ASTN2: variants seen among roughly 807,000 people sequenced by gnomAD.
ASTN2 encodes the protein astrotactin-2.
A neutral mutation model predicts 139.8 loss-of-function variants in ASTN2; 54 were observed. The observed-to-expected ratio is 0.39, with a 90% CI of 0.31 to 0.48. The LOEUF is 0.48. Among genes scored for constraint, ASTN2 ranks in the 20% least tolerant of loss-of-function variants. The pLI is 0.95. For synonymous variants in ASTN2, 756 were observed against 719.5 expected (o/e 1.05, Z -0.81); for missense variants, 1,565 against 1,725.1 (o/e 0.91, Z 1.64).
intron 1 of ASTN2, among the ~76,000 whole-genome samples, chr9:117,335,007 A>G (rs1195955304): frequency 6.6e-6 from 1 of 152,190 alleles, no homozygotes. Context: ...GTGAGCATAG[A>G]TCATGCTACT....
chr9:117,214,725 C>G lies in ASTN2; in HGVS notation c.648G>C (p.Leu216=). 6.6e-7 allele frequency: 1 copy of G among 1,506,390 alleles called. No homozygotes were observed. Among genetic ancestry groups the G allele is most frequent in the Non-Finnish European group, 8.9e-7 (1 of 1,125,900 alleles). The allele number at this position is 1,506,390 out of a possible 1,614,324, so 93.3% of individuals were successfully genotyped here. Residue 216 remains leucine (L), a synonymous_variant, in exon 3 of 23, where the codon CTG becomes CTC. Transcript: ENST00000313400. ...CGGTGAACACCAGCAGCAGCAGCAG[C>G]AGCGCGATGAGGCCACCCTGGAGCA... ...HISVMGGLIA[L]LLLLLVFTVA...
chr9:116,485,800 A>AG (rs902747409), intron 20 of ASTN2, among the ~76,000 whole-genome samples: 10 of 152,354 alleles, frequency 6.6e-5, no homozygotes, highest in African/African-American at 2.4e-4. Context: ...TTGCAGAGCC[A>AG]GGGGCAGAAG....
intron 2 of ASTN2, among the ~76,000 whole-genome samples, chr9:117,285,551 C>A (rs1365285940): frequency 6.6e-6 from 1 of 152,170 alleles, no homozygotes; most frequent in Non-Finnish European, 1.5e-5. Flanking sequence ...ATTTGTGTGA[C>A]ATTTTATATT....
At chr9:116,517,610 T>A (rs1437750829) in intron 19 of ASTN2, among the ~76,000 whole-genome samples, 2 of 152,116 alleles carry the variant, frequency 1.3e-5, no homozygotes, top group East Asian at 3.9e-4. Context: ...TTAACACCCA[T>A]AAAAGATGAT....
intron 3 of ASTN2, among the ~76,000 whole-genome samples, chr9:117,165,048 A>G (rs1003622725): frequency 1.3e-5 from 2 of 152,038 alleles, no homozygotes; most frequent in African/African-American, 2.4e-5. Flanking sequence ...TTGAACATAC[A>G]GTCTGACTTC....
At chr9:116,778,652 C>T (rs1588285779) in intron 13 of ASTN2, among the ~76,000 whole-genome samples, 1 of 152,174 alleles carries the variant, frequency 6.6e-6, no homozygotes, top group South Asian at 2.1e-4. Context: ...TCCACTTGCA[C>T]AAGGAACCCA....
intron 16 of ASTN2, among the ~76,000 whole-genome samples, chr9:116,709,514 C>T (rs1828084745): frequency 6.6e-6 from 1 of 152,204 alleles, no homozygotes. Context: ...ACTGAATACC[C>T]TGACCAACAT....
intron 10 of ASTN2, among the ~76,000 whole-genome samples, chr9:116,896,272 A>G (rs1471737014): frequency 6.6e-6 from 1 of 152,206 alleles, no homozygotes; most frequent in Non-Finnish European, 1.5e-5. Context: ...GGGTGTATGT[A>G]TTAGTTCATT....
intron 19 of ASTN2, among the ~76,000 whole-genome samples, chr9:116,536,642 G>A: frequency 6.6e-6 from 1 of 152,270 alleles, no homozygotes. Flanking sequence ...GTTTGCCTGG[G>A]TATCAGCAGC....
At chr9:116,747,582 A>G (rs1273480451) in intron 13 of ASTN2, among the ~76,000 whole-genome samples, 1 of 152,012 alleles carries the variant, frequency 6.6e-6, no homozygotes, top group Non-Finnish European at 1.5e-5. Flanking sequence ...GTCATGTACA[A>G]TTGAATCAGG....
chr9:117,004,225 C>T (rs1319728662), intron 7 of ASTN2, among the ~76,000 whole-genome samples: 1 of 151,976 alleles, frequency 6.6e-6, no homozygotes, highest in African/African-American at 2.4e-5. Flanking sequence ...ACTCAAGCAA[C>T]CCTCCCACCT....
chr9:116,998,041 G>T (rs1837074315), intron 7 of ASTN2, among the ~76,000 whole-genome samples: 1 of 152,078 alleles, frequency 6.6e-6, no homozygotes, highest in African/African-American at 2.4e-5. Context: ...AGAAAACTTT[G>T]GTTTCTTGTC....
At chr9:117,047,627 C>T (rs910531957) in intron 5 of ASTN2, among the ~76,000 whole-genome samples, 13 of 152,160 alleles carry the variant, frequency 8.5e-5, no homozygotes. Context: ...TGAACTTCTG[C>T]TGTCCAAATT....
At chr9:116,690,860 C>T (rs803940) in intron 16 of ASTN2, among the ~76,000 whole-genome samples, 19,120 of 152,108 alleles carry the variant, frequency 0.13, 1,247 homozygotes, top group East Asian at 0.15. Flanking sequence ...ATAGTAGTTG[C>T]TTTAAGAGTG....
intron 19 of ASTN2, among the ~76,000 whole-genome samples, chr9:116,617,292 G>A (rs2131819445): frequency 6.6e-6 from 1 of 152,222 alleles, no homozygotes; most frequent in Non-Finnish European, 1.5e-5. Context: ...TAGAAGACAG[G>A]AAGACAGAAA....
intron 13 of ASTN2, among the ~76,000 whole-genome samples, chr9:116,782,318 C>T (rs1830240952): frequency 6.6e-6 from 1 of 152,116 alleles, no homozygotes; most frequent in African/African-American, 2.4e-5. Context: ...TCCCCAAGTA[C>T]CAGTTCAGCG....
intron 1 of ASTN2, among the ~76,000 whole-genome samples, chr9:117,399,885 G>A (rs1830777491): frequency 1.3e-5 from 2 of 152,204 alleles, no homozygotes; most frequent in Admixed American, 1.3e-4. Flanking sequence ...AAGAATCTCA[G>A]GCTATCATTA....
chr9:116,697,556 A>G, intron 16 of ASTN2: 1 of 731,414 alleles, frequency 1.4e-6, no homozygotes, highest in Middle Eastern at 4.0e-4. Flanking sequence ...GTTGTTAAGT[A>G]AGGGAATGAC....
chr9:117,393,596 G>A (rs1588008152), intron 1 of ASTN2, among the ~76,000 whole-genome samples: 2 of 152,178 alleles, frequency 1.3e-5, no homozygotes, highest in Non-Finnish European at 2.9e-5. Flanking sequence ...GTTTTCAGGA[G>A]TTCTCTCTGG....
Sources: gnomAD v4.1 joint callset for allele counts (sites outside exome capture counted in the v4.1 genomes callset) on GRCh38, gnomAD v4.1.1 for gene constraint, MANE v1.5 for transcripts, NCBI Gene and HGNC (gene_info 2026-07-23, HGNC 2026-07-21) for gene names.